ROBO2: variants seen among roughly 807,000 people sequenced by gnomAD.
The protein encoded by ROBO2 is roundabout homolog 2.
In ROBO2, 53 loss-of-function variants were observed where a neutral mutation model predicts 160.8. The ratio of observed to expected loss-of-function variants is 0.33; its 90% CI spans 0.26 to 0.41. The LOEUF is 0.41. Among genes scored for constraint, ROBO2 ranks in the 10% least tolerant of loss-of-function variants. The pLI is 1.00. For synonymous variants in ROBO2, 664 were observed against 611.7 expected, an observed-to-expected ratio of 1.09 and a Z score of -1.26; for missense variants, 1,577 against 1,722.4, an observed-to-expected ratio of 0.92 and a Z score of 1.49.
chr3:76,233,782 C>T (rs77349667), intron 2 of ROBO2, among the ~76,000 whole-genome samples: 3,669 of 152,234 alleles, frequency 0.024, 182 homozygotes, highest in East Asian at 0.18. Flanking sequence ...AATTCATAAA[C>T]GTACACTCTT....
chr3:77,254,894 C>A (rs1354844765), intron 2 of ROBO2, among the ~76,000 whole-genome samples: 1 of 152,202 alleles, frequency 6.6e-6, no homozygotes, highest in Non-Finnish European at 1.5e-5. Flanking sequence ...TCTTCTGACA[C>A]AAGGTCTAAT....
intron 2 of ROBO2, among the ~76,000 whole-genome samples, chr3:76,037,614 G>A (rs963335921): frequency 6.6e-6 from 1 of 151,868 alleles, no homozygotes; most frequent in Non-Finnish European, 1.5e-5. Flanking sequence ...TGTTTTCTGT[G>A]TATCAAGCCT....
chr3:77,562,332 G>C (rs1030576651), intron 9 of ROBO2, among the ~76,000 whole-genome samples: 1 of 151,990 alleles, frequency 6.6e-6, no homozygotes, highest in Non-Finnish European at 1.5e-5. Context: ...ATATAGTAGA[G>C]CCCTGCCATA....
chr3:76,567,362 G>A (rs910822006), intron 2 of ROBO2, among the ~76,000 whole-genome samples: 6 of 151,780 alleles, frequency 4.0e-5, no homozygotes, highest in African/African-American at 1.5e-4. Flanking sequence ...TCTTTTCAAT[G>A]CCGTTTAATA....
intron 2 of ROBO2, among the ~76,000 whole-genome samples, chr3:77,370,025 A>G (rs4683974): frequency 0.82 from 125,326 of 152,134 alleles, 51,856 homozygotes; most frequent in East Asian, 1. Context: ...AGAGTGATGC[A>G]AGTCAGATTT....
At chr3:77,356,820 G>A (rs1232105425) in intron 2 of ROBO2, among the ~76,000 whole-genome samples, 1 of 152,100 alleles carries the variant, frequency 6.6e-6, no homozygotes, top group Non-Finnish European at 1.5e-5. Flanking sequence ...GATATTTAAT[G>A]TTTGGTGATC....
chr3:76,677,175 T>C lies in ROBO2; in HGVS notation c.110-420839T>C, dbSNP rs901065501. The stretch of plus-strand genomic sequence containing the variant: ...GAAGTATCACTATGTACCCAAACAG[T>C]GTACCCAGGGGAAATCTAGACCTCT... On this transcript the variant is annotated intron_variant, in intron 2 of 26. Transcript: ENST00000487694. Among the ~76,000 whole-genome samples the C allele has an allele frequency of 4.0e-5, 6 of 151,896 alleles. No homozygotes were observed. In the East Asian group the frequency reaches 1.2e-3, roughly 29 times the overall value.
chr3:76,663,886 A>G (rs1170383201), intron 2 of ROBO2, among the ~76,000 whole-genome samples: 3 of 151,988 alleles, frequency 2.0e-5, no homozygotes, highest in African/African-American at 7.3e-5. Flanking sequence ...CCTGGCAACA[A>G]GAGCGAAACT....
intron 2 of ROBO2, among the ~76,000 whole-genome samples, chr3:77,375,681 T>C (rs1180546612): frequency 6.6e-6 from 1 of 152,160 alleles, no homozygotes; most frequent in Non-Finnish European, 1.5e-5. Flanking sequence ...CAGGAGTATG[T>C]AAAACCCGAG....
intron 2 of ROBO2, among the ~76,000 whole-genome samples, chr3:77,213,399 G>A (rs1376306345): frequency 2.0e-5 from 3 of 152,054 alleles, no homozygotes; most frequent in African/African-American, 4.8e-5. Flanking sequence ...ATGGTAGTTT[G>A]TATTTCTATG....
intron 2 of ROBO2, among the ~76,000 whole-genome samples, chr3:77,143,388 G>T (rs2076875163): frequency 6.6e-6 from 1 of 151,536 alleles, no homozygotes; most frequent in Admixed American, 6.6e-5. Flanking sequence ...TAGACATTGG[G>T]TTTCACCGTG....
At chr3:76,033,457 T>TA (rs1192308598) in intron 2 of ROBO2, among the ~76,000 whole-genome samples, 4 of 152,196 alleles carry the variant, frequency 2.6e-5, no homozygotes, top group African/African-American at 4.8e-5. Context: ...ACTGTGGTGT[T>TA]TCCTCTGAGT....
At chr3:76,823,875 C>T (rs1176326063) in intron 2 of ROBO2, among the ~76,000 whole-genome samples, 2 of 152,144 alleles carry the variant, frequency 1.3e-5, no homozygotes, top group African/African-American at 4.8e-5. Flanking sequence ...ATAATAGTGA[C>T]TTTCCCTGAT....
intron 2 of ROBO2, among the ~76,000 whole-genome samples, chr3:77,152,556 G>C (rs1431941757): frequency 1.3e-5 from 2 of 152,134 alleles, no homozygotes; most frequent in East Asian, 1.9e-4. Context: ...CATGAACAGA[G>C]AGCATCCACA....
intron 2 of ROBO2, among the ~76,000 whole-genome samples, chr3:76,782,663 T>G (rs1417103115): frequency 6.6e-6 from 1 of 150,780 alleles, no homozygotes; most frequent in Non-Finnish European, 1.5e-5. Flanking sequence ...GTTTTTGACT[T>G]AAAATCTACT....
At position 77,425,669 on chromosome 3, in the gene ROBO2, C is replaced by CTTTTT. The variant is rs756195644; in HGVS notation, c.389-51734_389-51730dup. ...CCATGCTAACGACTTCAATATGACT[C>CTTTTT]TTTTTTTTTTTTTTTGATGGAGTCT... On this transcript the variant is annotated intron_variant, in intron 2 of 25. Coordinates refer to ENST00000461745, the Ensembl canonical transcript of ROBO2. Among the ~76,000 whole-genome samples the CTTTTT allele has an allele frequency of 1.4e-5, 2 of 140,628 alleles. 1 individual carries two copies. Among genetic ancestry groups the CTTTTT allele is most frequent in the Non-Finnish European group, 3.1e-5 (2 of 64,312 alleles). 92.3% of individuals were successfully genotyped at this position (140,628 alleles called of 152,430 possible). A position where few individuals can be genotyped will look rare whatever the true frequency, so the allele number is the denominator to read the frequency against.
chr3:76,278,710 A>G (rs142281679), intron 2 of ROBO2, among the ~76,000 whole-genome samples: 11,604 of 152,076 alleles, frequency 0.076, 753 homozygotes, highest in African/African-American at 0.17. Context: ...CGTGTCAGAA[A>G]CAGAAATAGT....
chr3:76,689,790 T>C (rs1313877270), intron 2 of ROBO2, among the ~76,000 whole-genome samples: 1 of 152,188 alleles, frequency 6.6e-6, no homozygotes, highest in African/African-American at 2.4e-5. Flanking sequence ...AAAATTCTTT[T>C]TTCCTCTTTG....
intron 2 of ROBO2, among the ~76,000 whole-genome samples, chr3:76,370,431 C>T (rs1488391687): frequency 6.6e-6 from 1 of 151,846 alleles, no homozygotes; most frequent in Non-Finnish European, 1.5e-5. Flanking sequence ...GAAATTTGAA[C>T]ATAATGTCCT....
Sources: gnomAD v4.1 joint callset for allele counts (sites outside exome capture counted in the v4.1 genomes callset) on GRCh38, gnomAD v4.1.1 for gene constraint, MANE v1.5 for transcripts, NCBI Gene and HGNC (gene_info 2026-07-23, HGNC 2026-07-21) for gene names.